Variants in CARNMT1 observed in about 807,000 individuals in gnomAD.
CARNMT1 encodes the protein carnosine N-methyltransferase 1.
CARNMT1 carries 28 observed loss-of-function variants against 49.6 expected under a neutral mutation model. That is an observed-to-expected ratio of 0.56 (90% confidence interval 0.42 to 0.77). The LOEUF (loss-of-function observed/expected upper bound fraction) is 0.77. CARNMT1 is among the 30% of genes least tolerant of loss of function. The pLI is 0.00. For synonymous variants in CARNMT1, 178 were observed against 175.0 expected (o/e 1.02, Z -0.13); for missense variants, 421 against 512.6 (o/e 0.82, Z 1.73).
chr9:75,015,256 G>A (rs1438931400), intron 3 of CARNMT1, among the ~76,000 whole-genome samples: 1 of 152,036 alleles, frequency 6.6e-6, no homozygotes, highest in Admixed American at 6.5e-5. Flanking sequence ...ACTTTATCAC[G>A]AAGAGAAATC....
chr9:74,983,747 G>A lies in CARNMT1; in HGVS notation c.*20C>T. 1 of 1,437,568 alleles carries A rather than the reference G, an allele frequency of 7.0e-7. No individual in the cohort carries two copies. Among genetic ancestry groups the A allele is most frequent in the Middle Eastern group, 1.8e-4 (1 of 5,560 alleles). The allele number at this position is 1,437,568 out of a possible 1,614,324, so 89.1% of individuals were successfully genotyped here. A position where few individuals can be genotyped will look rare whatever the true frequency, so the allele number is the denominator to read the frequency against. On this transcript the variant is annotated 3_prime_UTR_variant, in exon 8 of 8. Coordinates refer to ENST00000376834, the MANE Select transcript of CARNMT1 (RefSeq NM_152420.3). ...TTTGTTCTTACTAAACTTTTTTCCA[G>A]GTGGTATCACTTGAGACCATTATTG...
intron 5 of CARNMT1, among the ~76,000 whole-genome samples, chr9:74,996,792 C>G (rs1240050969): frequency 6.6e-6 from 1 of 152,134 alleles, no homozygotes; most frequent in African/African-American, 2.4e-5. Flanking sequence ...CCCAATAACA[C>G]TAATATTATA....
At position 75,012,102 on chromosome 9, in the gene CARNMT1, C is replaced by A. The variant is rs981931290; in HGVS notation, c.590+4166G>T. ...TTAAAGATACTCTCCTGCACACATA[C>A]CCGATGAAAGGAACTGAGATTTTTC... On this transcript the variant is annotated intron_variant, in intron 3 of 7. Transcript: ENST00000376834. Among the ~76,000 whole-genome samples the A allele has an allele frequency of 5.9e-5, 9 of 152,204 alleles. No homozygotes were observed. The East Asian group carries it at 1.7e-3, about 29-fold the overall frequency.
intron 6 of CARNMT1, among the ~76,000 whole-genome samples, chr9:74,988,407 T>A (rs1832914206): frequency 6.6e-6 from 1 of 152,230 alleles, no homozygotes; most frequent in African/African-American, 2.4e-5. Context: ...TGATGTACAG[T>A]ATATTCCATA....
At chr9:74,989,412 GTTTT>G (rs373769846) in intron 6 of CARNMT1, among the ~76,000 whole-genome samples, 1 of 152,104 alleles carries the variant, frequency 6.6e-6, no homozygotes, top group African/African-American at 2.4e-5. Context: ...ACGTCATCCA[GTTTT>G]TTTATTATTA....
At chr9:74,999,043 C>T (rs1271912516) in intron 4 of CARNMT1, among the ~76,000 whole-genome samples, 1 of 151,998 alleles carries the variant, frequency 6.6e-6, no homozygotes, top group East Asian at 1.9e-4. Context: ...TATTTCTAAA[C>T]TTCAAAACCA....
At chr9:75,001,180 A>C (rs558807050) in intron 3 of CARNMT1, among the ~76,000 whole-genome samples, 1 of 152,296 alleles carries the variant, frequency 6.6e-6, no homozygotes, top group South Asian at 2.1e-4. Context: ...AAGGATTTGG[A>C]AGTAAATTCA....
At chr9:75,020,342 A>T (rs755545997) in intron 1 of CARNMT1, among the ~76,000 whole-genome samples, 11 of 140,590 alleles carry the variant, frequency 7.8e-5, no homozygotes, top group Middle Eastern at 7.8e-3. Flanking sequence ...ATCTCAGCTC[A>T]CTGCAACCTC....
chr9:75,025,658 T>A (rs989060159), intron 1 of CARNMT1, among the ~76,000 whole-genome samples: 1 of 152,246 alleles, frequency 6.6e-6, no homozygotes, highest in Non-Finnish European at 1.5e-5. Flanking sequence ...TTTCAAATTG[T>A]TGCAAATGTC....
At chr9:74,994,002 T>A (rs1436384273) in intron 6 of CARNMT1, among the ~76,000 whole-genome samples, 3 of 152,132 alleles carry the variant, frequency 2.0e-5, no homozygotes, top group African/African-American at 7.2e-5. Flanking sequence ...GTGGCTGTAT[T>A]TGAAAGTAGG....
chr9:74,999,874 A>G lies in CARNMT1; in HGVS notation c.591-4T>C. On this transcript the variant is annotated splice_region_variant and splice_polypyrimidine_tract_variant and intron_variant, in intron 3 of 7. Transcript: ENST00000376834. ...AATATTTACTTTAGAAGGATCCCTG[A>G]AATGAAATAAGGCAATTATGTCCAA... The G allele has an allele frequency of 1.3e-6, 2 of 1,595,732 alleles. No homozygotes were observed. Among genetic ancestry groups the G allele is most frequent in the Non-Finnish European group, 1.7e-6 (2 of 1,173,846 alleles).
chr9:75,021,111 C>A (rs1822338282), intron 1 of CARNMT1, among the ~76,000 whole-genome samples: 2 of 151,840 alleles, frequency 1.3e-5, no homozygotes, highest in East Asian at 3.9e-4. Flanking sequence ...CTTCCTCTGC[C>A]TAGCAGACAG....
chr9:75,000,032 G>A (rs1267233534), intron 3 of CARNMT1, among the ~76,000 whole-genome samples, 162 bp from the exon 4 acceptor site: 1 of 152,022 alleles, frequency 6.6e-6, no homozygotes, highest in Non-Finnish European at 1.5e-5. Flanking sequence ...AAAATAAAAG[G>A]TATAAGGAAT....
chr9:74,985,285 G>T (rs1186753349), intron 6 of CARNMT1, among the ~76,000 whole-genome samples: 2 of 152,164 alleles, frequency 1.3e-5, no homozygotes, highest in Non-Finnish European at 2.9e-5. Flanking sequence ...TGAAGGAGTA[G>T]ATGAATCAGA....
intron 1 of CARNMT1, among the ~76,000 whole-genome samples, chr9:75,023,283 A>C (rs1225073065): frequency 6.6e-6 from 1 of 152,186 alleles, no homozygotes; most frequent in East Asian, 1.9e-4. Flanking sequence ...AATCAGAAGA[A>C]TTATTCTAAA....
chr9:74,989,541 T>C (rs1303634292), intron 6 of CARNMT1, among the ~76,000 whole-genome samples: 1 of 152,212 alleles, frequency 6.6e-6, no homozygotes, highest in African/African-American at 2.4e-5. Flanking sequence ...CTGATATGGT[T>C]TGCCTTTGTG....
intron 6 of CARNMT1, among the ~76,000 whole-genome samples, chr9:74,986,974 G>A (rs1832862312): frequency 6.6e-6 from 1 of 152,172 alleles, no homozygotes; most frequent in African/African-American, 2.4e-5. Flanking sequence ...ACAACAGCTG[G>A]AGTGTATATT....
chr9:75,008,507 T>C (rs571962415), intron 3 of CARNMT1, among the ~76,000 whole-genome samples: 3 of 152,168 alleles, frequency 2.0e-5, no homozygotes, highest in Middle Eastern at 6.8e-3. Context: ...ACATTTTGTA[T>C]TTGTTGGCCA....
intron 6 of CARNMT1, among the ~76,000 whole-genome samples, chr9:74,994,593 T>G (rs183031759): frequency 6.6e-6 from 1 of 151,728 alleles, no homozygotes; most frequent in Admixed American, 6.6e-5. Flanking sequence ...ATCCAAAGAG[T>G]AGGAAAAGCC....
Sources: allele counts gnomAD v4.1 joint callset (sites outside exome capture counted in the v4.1 genomes callset), GRCh38; gene constraint gnomAD v4.1.1; transcripts MANE v1.5; gene names NCBI Gene and HGNC (gene_info 2026-07-23, HGNC 2026-07-21).